The following SACS variants were observed in gnomAD, a reference collection of about 807,000 sequenced individuals.
The protein encoded by SACS is sacsin molecular chaperone, also known as sacsin.
Under a neutral mutation model 348.0 loss-of-function variants are expected in SACS, and 197 were observed. That is an observed-to-expected ratio of 0.57 (90% CI 0.50 to 0.64). SACS has a LOEUF of 0.64. Ranked by LOEUF, SACS falls within the 30% of genes least tolerant of loss-of-function variation. The pLI, the probability that SACS is intolerant of heterozygous loss-of-function variation, is 0.00. For missense variants in SACS, 4,999 were observed against 5,360.8 expected (o/e 0.93, Z 2.11); for synonymous variants, 1,985 against 1,910.6 (o/e 1.04, Z -1.02).
At position 23,339,716 on chromosome 13, in the gene SACS, G is replaced by T. The variant is rs1869015650; in HGVS notation, c.4160C>A (p.Pro1387His). ...AATTGGCTTCATGATAAGTTTAGAA[G>T]GATTTTTGCTATGATGTATAGGAAC... is the stretch of plus-strand genomic sequence containing the variant. ...TPVPIHHSKN[P>H]SKLIMKPIHE... The change falls in exon 10 of 10, where the codon CCT becomes CAT. Residue 1387 changes from proline (P) to histidine (H), a missense_variant. By Grantham distance (77) the Pro-to-His change is moderately conservative. This residue lies in a region of SACS where 3,156 missense variants were observed against 3,380.1 expected (regional missense o/e 0.93). Transcript: ENST00000382292. The T allele has an allele frequency of 1.9e-6, 3 of 1,614,120 alleles. No homozygotes were observed. In the African/African-American group the frequency reaches 4.0e-5, roughly 22 times the overall value.
chr13:23,401,571 T>G (rs1388419866), intron 2 of SACS, among the ~76,000 whole-genome samples: 3 of 152,224 alleles, frequency 2.0e-5, no homozygotes, highest in Admixed American at 6.5e-5. Context: ...ATCCTCAACC[T>G]TGGCAAAATA....
intron 1 of SACS, among the ~76,000 whole-genome samples, chr13:23,426,203 G>T (rs895282858): frequency 6.6e-6 from 1 of 152,158 alleles, no homozygotes; most frequent in African/African-American, 2.4e-5. Flanking sequence ...ACAGGTCTCA[G>T]TTAATTTATA....
Position 23,338,075 on chromosome 13 carries a change from C to T in SACS, c.5801G>A (p.Ser1934Asn), listed in dbSNP as rs1566066925. 1 of 1,613,960 alleles carries T rather than the reference C, an allele frequency of 6.2e-7. No homozygotes were observed. Among genetic ancestry groups the T allele is most frequent in the Middle Eastern group, 1.6e-4 (1 of 6,062 alleles). Residue 1934 changes from serine to asparagine, a missense_variant, in exon 10 of 10, where the codon AGT becomes AAT. Coordinates refer to ENST00000382292, the MANE Select transcript of SACS (RefSeq NM_014363.6). ...VLSVLRDLAT[S>N]GELMDYTYYA... ...GTAAGTATAATCCATTAGCTCCCCA[C>T]TAGTGGCCAGGTCCCGTAAGACACT... is the stretch of plus-strand genomic sequence containing the variant.
At chr13:23,357,421 G>A (rs938726462) in intron 7 of SACS, among the ~76,000 whole-genome samples, 2 of 152,064 alleles carry the variant, frequency 1.3e-5, no homozygotes, top group Non-Finnish European at 2.9e-5. Flanking sequence ...AATGCAACAG[G>A]CTTACTAAAA....
chr13:23,352,992 TCA>T (rs1870066220), intron 9 of SACS, among the ~76,000 whole-genome samples: 1 of 150,734 alleles, frequency 6.6e-6, no homozygotes. Flanking sequence ...AAAAGACACA[TCA>T]CAGAGTATGC....
intron 6 of SACS, among the ~76,000 whole-genome samples, chr13:23,359,050 C>T (rs1870568513): frequency 6.6e-6 from 1 of 152,054 alleles, no homozygotes; most frequent in Non-Finnish European, 1.5e-5. Context: ...GGCATGGTGG[C>T]ACGCGCCTGT....
intron 2 of SACS, among the ~76,000 whole-genome samples, chr13:23,385,478 G>T (rs1872251667): frequency 6.6e-6 from 1 of 151,778 alleles, no homozygotes; most frequent in Admixed American, 6.6e-5. Flanking sequence ...TCCTGCCTCA[G>T]CCTCCCAAGT....
At chr13:23,367,885 C>T (rs544407292) in intron 5 of SACS, among the ~76,000 whole-genome samples, 111 of 152,286 alleles carry the variant, frequency 7.3e-4, no homozygotes, top group African/African-American at 2.5e-3. Context: ...TGAGCCACTG[C>T]GCCCAGCCTG....
Position 23,366,773 on chromosome 13 carries a change from T to C in SACS, c.346-1496A>G, listed in dbSNP as rs115101180. 4.1e-3 allele frequency among the ~76,000 whole-genome samples: 631 copies of C among 152,320 alleles called. 5 individuals are homozygous for C. The highest frequency in any genetic ancestry group is 0.015 in the African/African-American group (611 of 41,570). On this transcript the variant is annotated intron_variant, in intron 5 of 9. Coordinates refer to ENST00000382292, the MANE Select transcript of SACS (RefSeq NM_014363.6). ...TCCCCTAAATTGCAATCCTGAGAGATTGTTTGTAAACTAACTCTGGGAAAC... is the reference window on the plus strand; with the variant it reads ...TCCCCTAAATTGCAATCCTGAGAGACTGTTTGTAAACTAACTCTGGGAAAC...
chr13:23,418,185 T>C (rs1873761859), intron 1 of SACS, among the ~76,000 whole-genome samples: 1 of 151,774 alleles, frequency 6.6e-6, no homozygotes, highest in Non-Finnish European at 1.5e-5. Context: ...GTTCAGAATA[T>C]AGAAAGAACT....
Position 23,358,438 on chromosome 13 carries a change from C to G in SACS, c.501G>C (p.Glu167Asp), listed in dbSNP as rs1870528111. ...YVYNNAVFTP[E>D]DWHGIQEIAR... ...CTATTTCTTGAATGCCGTGCCAGTC[C>G]TCTGGGGTGAAAACCGCGTTGTTGT... Residue 167 changes from glutamate to aspartate, a missense_variant, in exon 7 of 10, where the codon GAG (glutamate) becomes GAC (aspartate). By Grantham distance (45) the Glu-to-Asp change is conservative (BLOSUM62 2). This residue lies in a region of SACS where 3,156 missense variants were observed against 3,380.1 expected (regional missense o/e 0.93). Transcript: ENST00000382292. The G allele has an allele frequency of 6.2e-7, 1 of 1,614,150 alleles. No individual in the cohort carries two copies.
rs755698899 is a variant in SACS, at chr13:23,334,644, T to C, written c.9232A>G (p.Asn3078Asp). ...NLVYNCDETANLYHCLIDADI... is the reference protein window; with the variant it reads ...NLVYNCDETADLYHCLIDADI... The stretch of plus-strand genomic sequence containing the variant: ...GCATCTATAAGACAGTGGTAAAGAT[T>C]AGCAGTTTCATCACAGTTATAAACC... The change falls in exon 10 of 10, where the codon AAT becomes GAT. Residue 3078 changes from asparagine (N) to aspartate (D), a missense_variant. Asn to Asp is a conservative substitution (Grantham distance 23). Coordinates refer to ENST00000382292, the MANE Select transcript of SACS (RefSeq NM_014363.6). The C allele has an allele frequency of 2.5e-6, 4 of 1,613,476 alleles. No individual in the cohort carries two copies. The highest frequency in any genetic ancestry group is 3.3e-4 in the Middle Eastern group (2 of 6,078).
At chr13:23,422,190 C>T (rs1873977441) in intron 1 of SACS, among the ~76,000 whole-genome samples, 1 of 152,108 alleles carries the variant, frequency 6.6e-6, no homozygotes, top group Admixed American at 6.5e-5. Flanking sequence ...AAACAAGTTC[C>T]TAACACATTT....
chr13:23,413,538 G>A (rs770849427), intron 1 of SACS, among the ~76,000 whole-genome samples: 45 of 152,114 alleles, frequency 3.0e-4, no homozygotes, highest in Non-Finnish European at 3.7e-4. Context: ...TTCTTATTCT[G>A]CGTTTGCTAT....
intron 1 of SACS, among the ~76,000 whole-genome samples, chr13:23,429,761 G>C (rs767512857): frequency 6.6e-5 from 10 of 152,108 alleles, no homozygotes; most frequent in Non-Finnish European, 1.3e-4. Context: ...TGTGGAGCCA[G>C]GTTCCAAAAC....
chr13:23,397,037 C>T (rs938739447), intron 2 of SACS, among the ~76,000 whole-genome samples: 1 of 152,036 alleles, frequency 6.6e-6, no homozygotes, highest in African/African-American at 2.4e-5. Context: ...TACTATAAGA[C>T]AGCATAATCC....
In SACS at chr13:23,330,590, G is replaced by C. The variant is rs765818580; in HGVS notation, c.13286C>G (p.Ser4429Cys). 6.2e-7 allele frequency: 1 copy of C among 1,614,020 alleles called. No homozygotes were observed. Among genetic ancestry groups the C allele is most frequent in the Non-Finnish European group, 8.5e-7 (1 of 1,180,008 alleles). The part of the protein sequence containing the change: ...KCPPSAGQTY[S>C]QRFFVPPTFK... ...AGTGGGAGGAACAAAGAACCTTTGA[G>C]AGTAAGTCTGTCCGGCTGAAGGGGG... Residue 4429 changes from serine (S) to cysteine (C), a missense_variant, in exon 10 of 10, where the codon TCT (serine) becomes TGT (cysteine). Physicochemically the swap from Ser to Cys is moderately radical, Grantham distance 112. This residue lies in a region of SACS where 254 missense variants were observed against 275.1 expected (regional missense o/e 0.92). Transcript: ENST00000382292.
chr13:23,361,855 G>C (rs1170454090), intron 6 of SACS, among the ~76,000 whole-genome samples: 1 of 151,984 alleles, frequency 6.6e-6, no homozygotes, highest in Non-Finnish European at 1.5e-5. Flanking sequence ...GAAAGAGCTG[G>C]GAGCAGGCCT....
Position 23,341,683 on chromosome 13 carries a change from T to C in SACS, c.2193A>G (p.Pro731=), listed in dbSNP as rs1290283039. ...GATTTAGAAGCTGCAGCTGAGTACATGGTCTTCCTGTAAATCATACACAGA... is the reference window on the plus strand; with the variant it reads ...GATTTAGAAGCTGCAGCTGAGTACACGGTCTTCCTGTAAATCATACACAGA... ...LKEAAQTRGR[P]CTQLQLLNPE... is the part of the protein sequence containing the mutation. The change falls in exon 10 of 10, where the codon CCA becomes CCG. Residue 731 remains proline (P), a synonymous_variant. Coordinates refer to ENST00000382292, the MANE Select transcript of SACS (RefSeq NM_014363.6). 5 of 1,612,256 alleles carry C rather than the reference T, an allele frequency of 3.1e-6. No individual in the cohort carries two copies. Among genetic ancestry groups the C allele is most frequent in the Non-Finnish European group, 4.2e-6 (5 of 1,179,572 alleles).
Sources: gnomAD v4.1 joint callset for allele counts (sites outside exome capture counted in the v4.1 genomes callset) on GRCh38, gnomAD v4.1.1 for gene constraint, gnomAD v4.1.1 regional missense constraint, MANE v1.5 for transcripts, NCBI Gene and HGNC (gene_info 2026-07-23, HGNC 2026-07-21) for gene names.